Variants in UNC13B observed in about 807,000 individuals in gnomAD.
UNC13B encodes unc-13 homolog B.
UNC13B carries 144 observed loss-of-function variants against 211.0 expected under a neutral mutation model. That is an observed-to-expected ratio of 0.68 (90% CI 0.60 to 0.78). UNC13B has a LOEUF of 0.78. Among genes scored for constraint, UNC13B ranks in the 30% least tolerant of loss-of-function variants. The pLI is 0.00. For synonymous variants in UNC13B, 709 were observed against 725.8 expected (o/e 0.98, Z 0.37); for missense variants, 1,777 against 2,002.0 (o/e 0.89, Z 2.14).
At chr9:35,280,634 G>A (rs187968326) in intron 7 of UNC13B, among the ~76,000 whole-genome samples, 1 of 152,288 alleles carries the variant, frequency 6.6e-6, no homozygotes, top group Non-Finnish European at 1.5e-5. Context: ...AGTGGAAGCA[G>A]CTGATATTGA....
In UNC13B at chr9:35,403,037, A is replaced by G. The variant is rs77347239; in HGVS notation, c.12485-130A>G. On this transcript the variant is annotated intron_variant, in intron 37 of 39. Coordinates refer to ENST00000635942, the MANE Select transcript of UNC13B (RefSeq NM_001371189.2). ...TTATCCCATTTCTTTCCCTTCTCCTATTGCTTACTTCCCATGGTTACTGTG... is the reference window on the plus strand; with the variant it reads ...TTATCCCATTTCTTTCCCTTCTCCTGTTGCTTACTTCCCATGGTTACTGTG... The G allele has an allele frequency of 4.2e-4, 286 of 686,712 alleles. 4 individuals carry two copies. The East Asian group carries it at 7.3e-3, about 18-fold the overall frequency. 42.5% of individuals were successfully genotyped at this position (686,712 alleles called of 1,614,324 possible). A position where few individuals can be genotyped will look rare whatever the true frequency, so the allele number is the denominator to read the frequency against.
chr9:35,304,901 T>C lies in UNC13B; in HGVS notation c.5497T>C (p.Leu1833=). The C allele has an allele frequency of 5.0e-6, 2 of 398,906 alleles. No individual in the cohort carries two copies. The highest frequency in any genetic ancestry group is 7.1e-5 in the East Asian group (2 of 28,072). The allele number at this position is 398,906 out of a possible 1,614,324, so 24.7% of individuals were successfully genotyped here. A position where few individuals can be genotyped will look rare whatever the true frequency, so the allele number is the denominator to read the frequency against. Reference sequence around the variant, plus strand: ...AGTATCCAATGTTCAGCATCCAGAATTGATCAAAAATATAAGGCAAGAATT... The same window carrying C: ...AGTATCCAATGTTCAGCATCCAGAACTGATCAAAAATATAAGGCAAGAATT... ...QIVSNVQHPE[L]IKNIRQEFSL... is the part of the protein sequence containing the mutation. The change falls in exon 9 of 40, where the codon TTG becomes CTG. Residue 1833 remains leucine (L), a synonymous_variant. Coordinates refer to ENST00000635942, the MANE Select transcript of UNC13B (RefSeq NM_001371189.2).
chr9:35,163,340 C>A (rs1283082397), intron 1 of UNC13B, among the ~76,000 whole-genome samples: 1 of 152,162 alleles, frequency 6.6e-6, no homozygotes, highest in Non-Finnish European at 1.5e-5. Flanking sequence ...TGTGATTTCT[C>A]CAATAACGAT....
chr9:35,243,835 T>G (rs1223287449), intron 6 of UNC13B, among the ~76,000 whole-genome samples: 1 of 152,102 alleles, frequency 6.6e-6, no homozygotes, highest in Non-Finnish European at 1.5e-5. Context: ...GCATCAGGAT[T>G]GGAGAATGTT....
chr9:35,320,877 C>G (rs1830704194), intron 11 of UNC13B, among the ~76,000 whole-genome samples: 1 of 152,134 alleles, frequency 6.6e-6, no homozygotes, highest in African/African-American at 2.4e-5. Context: ...GGATGCTTAA[C>G]CAGCCAGAGA....
chr9:35,216,030 A>C (rs1403796995), intron 1 of UNC13B, among the ~76,000 whole-genome samples: 1 of 152,222 alleles, frequency 6.6e-6, no homozygotes, highest in Admixed American at 6.5e-5. Flanking sequence ...TAAACCAATA[A>C]TACAGCATTA....
At chr9:35,280,643 G>T (rs1016016958) in intron 7 of UNC13B, among the ~76,000 whole-genome samples, 1 of 152,146 alleles carries the variant, frequency 6.6e-6, no homozygotes, top group African/African-American at 2.4e-5. Flanking sequence ...AGCTGATATT[G>T]ATGCTAATTA....
At chr9:35,376,268 G>T in intron 15 of UNC13B, 21 bp downstream of exon 15, 1 of 1,609,310 alleles carries the variant, frequency 6.2e-7, no homozygotes, top group Non-Finnish European at 8.5e-7. Flanking sequence ...TGCGGGATGA[G>T]GGGCGGGGAG....
At chr9:35,401,177 G>C (rs1836275796) in intron 37 of UNC13B, among the ~76,000 whole-genome samples, 1 of 152,218 alleles carries the variant, frequency 6.6e-6, no homozygotes, top group Non-Finnish European at 1.5e-5. Flanking sequence ...AAGGAAACCT[G>C]AGCAGGCTGC....
chr9:35,249,889 A>G (rs1476052206), intron 6 of UNC13B, among the ~76,000 whole-genome samples: 5 of 152,124 alleles, frequency 3.3e-5, no homozygotes, highest in Admixed American at 6.5e-5. Flanking sequence ...ATTCTAGGGT[A>G]TGGCACTCAC....
chr9:35,238,696 C>T (rs1448535595), intron 5 of UNC13B, among the ~76,000 whole-genome samples: 1 of 151,984 alleles, frequency 6.6e-6, no homozygotes, highest in Non-Finnish European at 1.5e-5. Context: ...ACTGAGATTA[C>T]AGGCTTGTGC....
chr9:35,187,407 G>A (rs1822420520), intron 1 of UNC13B, among the ~76,000 whole-genome samples: 1 of 152,096 alleles, frequency 6.6e-6, no homozygotes, highest in African/African-American at 2.4e-5. Flanking sequence ...AGGAATAAGC[G>A]GGATTAGTCT....
At chr9:35,189,683 T>C (rs909630926) in intron 1 of UNC13B, among the ~76,000 whole-genome samples, 21 of 152,324 alleles carry the variant, frequency 1.4e-4, no homozygotes, top group Middle Eastern at 6.8e-3. Context: ...TTTTTCTGTT[T>C]TTTGAGACAG....
chr9:35,341,441 C>G (rs1831986467), intron 11 of UNC13B, among the ~76,000 whole-genome samples: 3 of 152,144 alleles, frequency 2.0e-5, no homozygotes, highest in Admixed American at 6.5e-5. Flanking sequence ...CGAAACCAAC[C>G]AACCAACCAA....
Position 35,380,451 on chromosome 9 carries a change from C to T in UNC13B, c.10206-19C>T, listed in dbSNP as rs776075352. ...CTACTGGGTCTGCCCCTAACAGAGC[C>T]TGCCTAATTCTCTCACAGTGAGTGC... On this transcript the variant is annotated intron_variant, in intron 17 of 39. Transcript: ENST00000635942. 19 of 1,612,016 alleles carry T rather than the reference C, an allele frequency of 1.2e-5. No homozygotes were observed. The highest frequency in any genetic ancestry group is 6.7e-5 in the Admixed American group (4 of 59,966).
At position 35,259,341 on chromosome 9, in the gene UNC13B, T is replaced by C. The variant is rs936153979; in HGVS notation, c.526+291T>C. Among the ~76,000 whole-genome samples the C allele has an allele frequency of 7.2e-5, 11 of 152,186 alleles. 1 individual carries two copies. The highest frequency in any genetic ancestry group is 6.5e-4 in the Admixed American group (10 of 15,272). On this transcript the variant is annotated intron_variant, in intron 7 of 39. Coordinates refer to ENST00000635942, the MANE Select transcript of UNC13B (RefSeq NM_001371189.2). ...CCCCTCTATCCCTGTTTACCTGTTA[T>C]TATTCTTTAAGGCTCAGTTTAAATA...
intron 1 of UNC13B, among the ~76,000 whole-genome samples, chr9:35,174,341 C>CG (rs1038490525): frequency 8.2e-5 from 12 of 145,914 alleles, no homozygotes; most frequent in South Asian, 2.2e-4. Context: ...TTTTTTTTGT[C>CG]GGGGGGCAGG....
At chr9:35,377,779 G>A (rs1427532935) in intron 16 of UNC13B, 84 bp downstream of exon 16, 7 of 1,371,512 alleles carry the variant, frequency 5.1e-6, no homozygotes, top group East Asian at 2.5e-5. Context: ...GCGTGAGGGA[G>A]CAAGGGATTA....
chr9:35,353,509 T>TGGC, intron 11 of UNC13B: 1 of 1,231,960 alleles, frequency 8.1e-7, no homozygotes, highest in East Asian at 3.2e-5. Context: ...CTGGTGGAGT[T>TGGC]GGCGTCTCCA....
Sources: allele counts gnomAD v4.1 joint callset (sites outside exome capture counted in the v4.1 genomes callset), GRCh38; gene constraint gnomAD v4.1.1; transcripts MANE v1.5; gene names NCBI Gene and HGNC (gene_info 2026-07-23, HGNC 2026-07-21).